The following LRRC37A2 variants were observed in gnomAD, a reference collection of about 807,000 sequenced individuals.
The protein encoded by LRRC37A2 is leucine-rich repeat-containing protein 37A2.
In LRRC37A2, 9 loss-of-function variants were observed where a neutral mutation model predicts 68.8. The ratio of observed to expected loss-of-function variants is 0.13; its 90% CI spans 0.08 to 0.23. LRRC37A2 has a LOEUF of 0.23. Among genes scored for constraint, LRRC37A2 ranks in the 10% least tolerant of loss-of-function variants. The pLI is 1.00. For missense variants in LRRC37A2, 168 were observed against 950.4 expected, an observed-to-expected ratio of 0.18 and a Z score of 10.82; for synonymous variants, 63 against 367.6, an observed-to-expected ratio of 0.17 and a Z score of 9.48.
At chr17:46,884,206 G>A in the LRRC37A2 span, among the ~76,000 whole-genome samples, 4 of 152,220 alleles carry the variant, frequency 2.6e-5, no homozygotes, top group East Asian at 7.7e-4. Flanking sequence ...AATCTCAGCT[G>A]TCTTCATGCA....
chr17:46,825,879 T>G, the LRRC37A2 span, among the ~76,000 whole-genome samples: 1 of 152,096 alleles, frequency 6.6e-6, no homozygotes, highest in African/African-American at 2.4e-5. Context: ...CAAAATTAGC[T>G]GGGCATGGTG....
At chr17:46,912,179 C>T in the LRRC37A2 span, among the ~76,000 whole-genome samples, 7 of 152,194 alleles carry the variant, frequency 4.6e-5, no homozygotes, top group South Asian at 1.0e-3. Flanking sequence ...CTCCCTGCTC[C>T]GTATGGCCCC....
chr17:46,782,786 T>C, the LRRC37A2 span, among the ~76,000 whole-genome samples: 4 of 152,176 alleles, frequency 2.6e-5, no homozygotes, highest in African/African-American at 9.7e-5. Flanking sequence ...GGCAGGGAGC[T>C]TGTGACAAAA....
the LRRC37A2 span, among the ~76,000 whole-genome samples, chr17:46,717,870 C>A: frequency 1.3e-5 from 2 of 152,074 alleles, no homozygotes; most frequent in Non-Finnish European, 2.9e-5. Context: ...GAAAGCTGAC[C>A]GAACTGGAGC....
chr17:46,681,688 G>A, the LRRC37A2 span, among the ~76,000 whole-genome samples: 32 of 80,634 alleles, frequency 4.0e-4, no homozygotes, highest in African/African-American at 1.7e-3. Flanking sequence ...TCTGCTTGTT[G>A]GGTCCTTAAT....
At chr17:46,811,170 C>T in the LRRC37A2 span, among the ~76,000 whole-genome samples, 30 of 144,700 alleles carry the variant, frequency 2.1e-4, 5 homozygotes, top group Non-Finnish European at 3.3e-4. Flanking sequence ...CCTGCCCGCC[C>T]TACACCTTTC....
At chr17:46,772,702 C>T in the LRRC37A2 span, among the ~76,000 whole-genome samples, 1 of 152,190 alleles carries the variant, frequency 6.6e-6, no homozygotes. Flanking sequence ...GTGGGACAGA[C>T]CCTGAGCACC....
At chr17:46,767,139 C>T in the LRRC37A2 span, among the ~76,000 whole-genome samples, 2 of 152,174 alleles carry the variant, frequency 1.3e-5, no homozygotes, top group African/African-American at 4.8e-5. Flanking sequence ...TCCAGGACCA[C>T]TCCTCATCCA....
the LRRC37A2 span, among the ~76,000 whole-genome samples, chr17:46,873,335 T>C: frequency 1.4e-5 from 2 of 144,110 alleles, no homozygotes; most frequent in South Asian, 2.5e-4. Context: ...TGGAGGCCCA[T>C]AGTGAGCCAG....
the LRRC37A2 span, among the ~76,000 whole-genome samples, chr17:47,031,627 C>G: frequency 0.085 from 12,418 of 145,282 alleles, 1,631 homozygotes; most frequent in Middle Eastern, 0.16. Flanking sequence ...ATAGAGTACA[C>G]TCATATATTG....
chr17:46,875,584 A>G, the LRRC37A2 span, among the ~76,000 whole-genome samples: 2 of 152,230 alleles, frequency 1.3e-5, no homozygotes, highest in Non-Finnish European at 2.9e-5. Context: ...TGGAAGGGTC[A>G]TGAGTGTCAT....
At chr17:46,945,044 ATAGTT>A in the LRRC37A2 span, among the ~76,000 whole-genome samples, 1 of 152,220 alleles carries the variant, frequency 6.6e-6, no homozygotes, top group Non-Finnish European at 1.5e-5. Context: ...TTGAGAGGTG[ATAGTT>A]TAGTGCGGCC....
chr17:46,964,603 A>T, the LRRC37A2 span: 50 of 152,420 alleles, frequency 3.3e-4, no homozygotes, highest in African/African-American at 1.1e-3. Context: ...CTCAGAGACC[A>T]TCTAGTCCAG....
the LRRC37A2 span, among the ~76,000 whole-genome samples, chr17:46,915,891 T>C: frequency 3.4e-4 from 51 of 152,236 alleles, no homozygotes; most frequent in African/African-American, 1.2e-3. Context: ...GATTGGCTAA[T>C]TTGGGGTGAT....
chr17:47,012,395 C>T, the LRRC37A2 span, among the ~76,000 whole-genome samples: 1 of 151,862 alleles, frequency 6.6e-6, no homozygotes, highest in African/African-American at 2.4e-5. Flanking sequence ...TGCATATCAT[C>T]AAAATTAAAA....
At chr17:46,812,104 C>T in the LRRC37A2 span, among the ~76,000 whole-genome samples, 7 of 152,322 alleles carry the variant, frequency 4.6e-5, no homozygotes, top group South Asian at 6.2e-4. Flanking sequence ...GGAGAAGTCC[C>T]GGGAGATGGG....
the LRRC37A2 span, among the ~76,000 whole-genome samples, chr17:46,918,194 C>T: frequency 1.3e-5 from 2 of 152,210 alleles, no homozygotes; most frequent in Non-Finnish European, 2.9e-5. Context: ...ATTCTCCTGC[C>T]TCAGCCTCCC....
the LRRC37A2 span, among the ~76,000 whole-genome samples, chr17:46,920,188 T>C: frequency 6.6e-6 from 1 of 152,236 alleles, no homozygotes; most frequent in Non-Finnish European, 1.5e-5. Context: ...TAAAATTCTA[T>C]TGATTCTTGA....
chr17:46,657,956 A>C, the LRRC37A2 span, among the ~76,000 whole-genome samples: 1 of 78,754 alleles, frequency 1.3e-5, no homozygotes, highest in Non-Finnish European at 2.1e-5. Flanking sequence ...TTTTGTTTTT[A>C]TTTTATTTTA....
Sources: gnomAD v4.1 joint callset for allele counts (sites outside exome capture counted in the v4.1 genomes callset) on GRCh38, gnomAD v4.1.1 for gene constraint, MANE v1.5 for transcripts, NCBI Gene and HGNC (gene_info 2026-07-23, HGNC 2026-07-21) for gene names.